The following PACRG variants were observed in gnomAD, a reference collection of about 807,000 sequenced individuals.
The protein encoded by PACRG is parkin coregulated gene protein.
Under a neutral mutation model 29.7 loss-of-function variants are expected in PACRG, and 29 were observed. The ratio of observed to expected loss-of-function variants is 0.98; its 90% CI spans 0.73 to 1.33. The LOEUF is 1.33. Among genes scored for constraint, PACRG ranks in the 40% most tolerant of loss-of-function variants. The pLI is 0.00. For missense variants in PACRG, 279 were observed against 316.2 expected (o/e 0.88, Z 0.89); for synonymous variants, 116 against 118.7 (o/e 0.98, Z 0.15).
At chr6:163,138,224 C>T (rs556858768) in intron 4 of PACRG, among the ~76,000 whole-genome samples, 1 of 152,330 alleles carries the variant, frequency 6.6e-6, no homozygotes, top group South Asian at 2.1e-4. Context: ...TTTTGTTTAA[C>T]ACCTCAGCTT....
chr6:162,955,651 C>G (rs147657268), intron 2 of PACRG, among the ~76,000 whole-genome samples: 1 of 152,118 alleles, frequency 6.6e-6, no homozygotes, highest in Non-Finnish European at 1.5e-5. Context: ...ATAGAAATAG[C>G]GTATGATTTA....
At chr6:163,160,985 A>G (rs117866018) in intron 4 of PACRG, among the ~76,000 whole-genome samples, 1 of 152,344 alleles carries the variant, frequency 6.6e-6, no homozygotes, top group East Asian at 1.9e-4. Flanking sequence ...TGGAGCCCAG[A>G]GCTACTGCAC....
At chr6:163,230,932 G>A (rs1206946162) in intron 4 of PACRG, among the ~76,000 whole-genome samples, 2 of 152,198 alleles carry the variant, frequency 1.3e-5, no homozygotes, top group African/African-American at 2.4e-5. Flanking sequence ...TTACAGCCTC[G>A]TGAAAGAAGC....
intron 4 of PACRG, among the ~76,000 whole-genome samples, chr6:163,149,855 C>A (rs116881103): frequency 2.6e-5 from 4 of 152,206 alleles, no homozygotes; most frequent in African/African-American, 9.6e-5. Context: ...CTGTTGCTCC[C>A]GTTGGCTTAC....
rs533549859 is a variant in PACRG at position 162,749,965 on chromosome 6, T to C, written c.156+21574T>C. Reference sequence around the variant, plus strand: ...GAAGCTTTATTGAAATGTCATCAGATTATGAAAACCAAATCCCCATAATTT... The same window carrying C: ...GAAGCTTTATTGAAATGTCATCAGACTATGAAAACCAAATCCCCATAATTT... On this transcript the variant is annotated intron_variant, in intron 1 of 4. Transcript: ENST00000366888. 5.3e-5 allele frequency among the ~76,000 whole-genome samples: 8 copies of C among 152,344 alleles called. No individual in the cohort carries two copies. The South Asian group carries it at 1.0e-3, about 20-fold the overall frequency.
At chr6:163,275,320 C>T (rs908385329) in intron 4 of PACRG, among the ~76,000 whole-genome samples, 6 of 152,234 alleles carry the variant, frequency 3.9e-5, no homozygotes, top group South Asian at 2.1e-4. Context: ...ATCATTTCTA[C>T]GTTACCAAAG....
chr6:162,854,495 G>A (rs1791204199), intron 2 of PACRG, among the ~76,000 whole-genome samples: 1 of 152,156 alleles, frequency 6.6e-6, no homozygotes, highest in South Asian at 2.1e-4. Flanking sequence ...GCCTCATAGA[G>A]AAGGAATTAA....
intron 2 of PACRG, among the ~76,000 whole-genome samples, chr6:162,865,820 G>A (rs1223495076): frequency 6.6e-6 from 1 of 151,734 alleles, no homozygotes; most frequent in Admixed American, 6.6e-5. Context: ...TACTTTTAGA[G>A]CTTGAAATCA....
intron 2 of PACRG, among the ~76,000 whole-genome samples, chr6:162,963,026 A>G (rs1800757137): frequency 6.6e-6 from 1 of 152,182 alleles, no homozygotes; most frequent in African/African-American, 2.4e-5. Context: ...TATTAGTTCT[A>G]ATGATACTTG....
At chr6:163,047,375 T>A (rs1172680806) in intron 2 of PACRG, among the ~76,000 whole-genome samples, 2 of 152,216 alleles carry the variant, frequency 1.3e-5, no homozygotes, top group African/African-American at 4.8e-5. Context: ...TATCTCCCTA[T>A]GGTTAAAATA....
rs989174432 is a variant in PACRG, at chr6:163,028,868, C to A, written c.292-33282C>A. ...GGAAGTATCATTTTACAACCCCCAA[C>A]TGGGGAGGGCAGGAAAATGCCCCCC... On this transcript the variant is annotated intron_variant, in intron 2 of 4. Transcript: ENST00000366888. Among the ~76,000 whole-genome samples the A allele has an allele frequency of 3.3e-5, 5 of 152,208 alleles. No individual in the cohort carries two copies. The East Asian group carries it at 9.6e-4, about 29-fold the overall frequency.
At chr6:163,309,749 C>T (rs1174521999) in intron 4 of PACRG, among the ~76,000 whole-genome samples, 2 of 152,156 alleles carry the variant, frequency 1.3e-5, no homozygotes, top group Non-Finnish European at 2.9e-5. Context: ...CGTGTTGGGG[C>T]CGGGACTCTC....
At chr6:163,145,063 T>C (rs545222005) in intron 4 of PACRG, among the ~76,000 whole-genome samples, 1 of 152,186 alleles carries the variant, frequency 6.6e-6, no homozygotes, top group Non-Finnish European at 1.5e-5. Context: ...CAGTGAGTTC[T>C]GGCTTGGAGA....
chr6:162,904,766 G>A (rs764600405), intron 2 of PACRG, among the ~76,000 whole-genome samples: 8 of 152,128 alleles, frequency 5.3e-5, no homozygotes, highest in Non-Finnish European at 1.2e-4. Flanking sequence ...CTGTTTAGTG[G>A]AATAAGCAAC....
chr6:162,903,513 G>A (rs911721596), intron 2 of PACRG, among the ~76,000 whole-genome samples: 7 of 151,634 alleles, frequency 4.6e-5, no homozygotes, highest in Non-Finnish European at 7.4e-5. Context: ...CATGGCGGCA[G>A]GCAAGAGAGA....
intron 4 of PACRG, among the ~76,000 whole-genome samples, chr6:163,130,675 C>T (rs1389290615): frequency 6.6e-6 from 1 of 152,202 alleles, no homozygotes; most frequent in Non-Finnish European, 1.5e-5. Flanking sequence ...TCTCCCACTA[C>T]TGGGCCTCTC....
Position 163,030,753 on chromosome 6 carries a change from T to C in PACRG, c.292-31397T>C, listed in dbSNP as rs991545293. Among the ~76,000 whole-genome samples, 6 of 152,188 alleles carry C rather than the reference T, an allele frequency of 3.9e-5. No individual in the cohort carries two copies. In the South Asian group the frequency reaches 1.0e-3, roughly 26 times the overall value. ...ATTCATGCCTCCCCCTTTCAGACCATATAGGGTAACTCCTGATGTTGCCAT... is the reference window on the plus strand; with the variant it reads ...ATTCATGCCTCCCCCTTTCAGACCACATAGGGTAACTCCTGATGTTGCCAT... On this transcript the variant is annotated intron_variant, in intron 2 of 4. Coordinates refer to ENST00000366888, the MANE Select transcript of PACRG (RefSeq NM_001080379.2).
At chr6:162,747,390 GTATATATATATGTA>G (rs71008108) in intron 1 of PACRG, among the ~76,000 whole-genome samples, 10,084 of 43,938 alleles carry the variant, frequency 0.23, 2,707 homozygotes, top group African/African-American at 0.5. Flanking sequence ...GTATATATAT[GTATATATATATGTA>G]TATATATATA....
Position 163,133,600 on chromosome 6 carries a change from A to T in PACRG, c.613+44192A>T, listed in dbSNP as rs1816818694. 2.6e-5 allele frequency among the ~76,000 whole-genome samples: 4 copies of T among 152,294 alleles called. No homozygotes were observed. The South Asian group carries it at 8.3e-4, about 32-fold the overall frequency. Reference sequence around the variant, plus strand: ...GACGTATTTCTCTTTCTGCCTGTCCACGGAGTCTGTGCCACAAGCAAAGAG... The same window carrying T: ...GACGTATTTCTCTTTCTGCCTGTCCTCGGAGTCTGTGCCACAAGCAAAGAG... On this transcript the variant is annotated intron_variant, in intron 4 of 4. Coordinates refer to ENST00000366888, the MANE Select transcript of PACRG (RefSeq NM_001080379.2).
Sources: gnomAD v4.1 joint callset for allele counts (sites outside exome capture counted in the v4.1 genomes callset) on GRCh38, gnomAD v4.1.1 for gene constraint, MANE v1.5 for transcripts, NCBI Gene and HGNC (gene_info 2026-07-23, HGNC 2026-07-21) for gene names.